The following TBC1D5 variants were observed in gnomAD, a reference collection of about 807,000 sequenced individuals.
TBC1D5 encodes the protein TBC1 domain family member 5, also known as TBC1 domain family, member 5.
A neutral mutation model predicts 100.3 loss-of-function variants in TBC1D5; 75 were observed. The ratio of observed to expected loss-of-function variants is 0.75; its 90% confidence interval spans 0.62 to 0.91. The LOEUF (loss-of-function observed/expected upper bound fraction) is 0.91. Ranked by LOEUF, TBC1D5 falls within the 40% of genes least tolerant of loss-of-function variation. TBC1D5 has a pLI of 0.00. For missense variants in TBC1D5, 910 were observed against 942.4 expected, an observed-to-expected ratio of 0.97 and a Z score of 0.45; for synonymous variants, 323 against 325.6, an observed-to-expected ratio of 0.99 and a Z score of 0.09.
At chr3:17,684,452 T>G (rs2069962861) in intron 1 of TBC1D5, among the ~76,000 whole-genome samples, 1 of 152,094 alleles carries the variant, frequency 6.6e-6, no homozygotes, top group African/African-American at 2.4e-5. Context: ...CTCTGAAGTG[T>G]GAAAACTGTA....
At chr3:17,317,451 T>C (rs555765144) in intron 13 of TBC1D5, among the ~76,000 whole-genome samples, 1 of 152,232 alleles carries the variant, frequency 6.6e-6, no homozygotes, top group Admixed American at 6.5e-5. Context: ...TGGTTGGAAA[T>C]CTAGAAGTCC....
intron 1 of TBC1D5, among the ~76,000 whole-genome samples, chr3:17,704,643 CG>C (rs1156599746): frequency 2.7e-5 from 2 of 73,456 alleles, no homozygotes; most frequent in Non-Finnish European, 5.5e-5. Context: ...GCTGGCCAGG[CG>C]GGGGGCCGAC....
intron 15 of TBC1D5, among the ~76,000 whole-genome samples, chr3:17,262,483 T>TG (rs1291412514): frequency 6.7e-6 from 1 of 149,096 alleles, no homozygotes; most frequent in Non-Finnish European, 1.5e-5. Context: ...ACAATGTTTT[T>TG]TTTTTTTTTT....
intron 2 of TBC1D5, among the ~76,000 whole-genome samples, chr3:17,509,292 A>T (rs1328407274): frequency 6.6e-6 from 1 of 151,980 alleles, no homozygotes; most frequent in Non-Finnish European, 1.5e-5. Context: ...GTTGTTCAAT[A>T]CTACAAACAG....
At chr3:17,164,150 C>T (rs1559330849) in intron 21 of TBC1D5, among the ~76,000 whole-genome samples, 1 of 152,100 alleles carries the variant, frequency 6.6e-6, no homozygotes, top group Admixed American at 6.5e-5. Flanking sequence ...GTAAACCAAA[C>T]AGAAAGAACA....
At chr3:17,261,624 G>C (rs551705412) in intron 15 of TBC1D5, among the ~76,000 whole-genome samples, 8 of 152,182 alleles carry the variant, frequency 5.3e-5, no homozygotes, top group African/African-American at 1.9e-4. Context: ...CCAGGCTCAA[G>C]TGATCCTCCC....
chr3:17,653,881 C>T (rs1435970333), intron 1 of TBC1D5, among the ~76,000 whole-genome samples: 3 of 151,996 alleles, frequency 2.0e-5, no homozygotes, highest in Non-Finnish European at 4.4e-5. Context: ...ACCTTAACTT[C>T]CTCCATGAAC....
intron 15 of TBC1D5, 132 bp from the exon 16 acceptor site, chr3:17,258,723 A>T: frequency 1.8e-6 from 1 of 569,670 alleles, no homozygotes. Flanking sequence ...AATTAGTGTG[A>T]TTGGGTTTTG....
intron 13 of TBC1D5, among the ~76,000 whole-genome samples, chr3:17,341,425 T>C (rs1354597592): frequency 1.3e-5 from 2 of 152,160 alleles, no homozygotes; most frequent in Non-Finnish European, 2.9e-5. Context: ...CTCGATCTCC[T>C]GACCTCATGA....
intron 19 of TBC1D5, among the ~76,000 whole-genome samples, chr3:17,182,836 C>T (rs1236814282): frequency 1.3e-5 from 2 of 151,506 alleles, no homozygotes; most frequent in African/African-American, 4.9e-5. Flanking sequence ...AACTTATTAC[C>T]CCCATTTTTC....
chr3:17,243,441 C>G (rs1241626034), intron 16 of TBC1D5, among the ~76,000 whole-genome samples: 1 of 151,998 alleles, frequency 6.6e-6, no homozygotes, highest in Non-Finnish European at 1.5e-5. Context: ...CTGATTTGAT[C>G]ATTGCATATT....
At chr3:17,444,174 G>A (rs956517642) in intron 3 of TBC1D5, among the ~76,000 whole-genome samples, 1 of 151,864 alleles carries the variant, frequency 6.6e-6, no homozygotes, top group Non-Finnish European at 1.5e-5. Flanking sequence ...TTTTCCAGAT[G>A]TAAAAGCAAT....
At chr3:17,657,864 A>G (rs2066243516) in intron 1 of TBC1D5, among the ~76,000 whole-genome samples, 1 of 152,228 alleles carries the variant, frequency 6.6e-6, no homozygotes, top group Non-Finnish European at 1.5e-5. Context: ...AAATTTCACT[A>G]CTGAAAATTC....
At chr3:17,210,227 G>A (rs141318851) in intron 18 of TBC1D5, among the ~76,000 whole-genome samples, 73 of 149,118 alleles carry the variant, frequency 4.9e-4, no homozygotes, top group Admixed American at 4.0e-4. Context: ...TTGCTCTGTC[G>A]CCCAGGCCTG....
At chr3:17,489,255 T>C (rs1274417339) in intron 3 of TBC1D5, among the ~76,000 whole-genome samples, 3 of 152,102 alleles carry the variant, frequency 2.0e-5, no homozygotes, top group African/African-American at 7.2e-5. Flanking sequence ...AAATACCTAA[T>C]TTTCTACTAC....
chr3:17,577,556 C>T (rs1388610049), intron 2 of TBC1D5, among the ~76,000 whole-genome samples: 3 of 151,628 alleles, frequency 2.0e-5, no homozygotes, highest in Non-Finnish European at 4.4e-5. Flanking sequence ...GAAATTTATA[C>T]ATTTAAAATG....
chr3:17,412,710 C>G (rs1232506744), intron 4 of TBC1D5, among the ~76,000 whole-genome samples: 2 of 151,972 alleles, frequency 1.3e-5, no homozygotes, highest in East Asian at 3.9e-4. Context: ...TTAGGTAAAT[C>G]ACTTAGGGTA....
chr3:17,723,655 G>T (rs1243834418), intron 1 of TBC1D5, among the ~76,000 whole-genome samples: 1 of 152,024 alleles, frequency 6.6e-6, no homozygotes, highest in East Asian at 1.9e-4. Flanking sequence ...AAAATTTTTT[G>T]GAGATTCACA....
intron 13 of TBC1D5, among the ~76,000 whole-genome samples, chr3:17,326,442 C>G (rs1420085941): frequency 6.6e-6 from 1 of 152,020 alleles, no homozygotes; most frequent in Admixed American, 6.6e-5. Flanking sequence ...TTACTTGGAA[C>G]CAGAACCTCT....
Sources: allele counts gnomAD v4.1 joint callset (sites outside exome capture counted in the v4.1 genomes callset), GRCh38; gene constraint gnomAD v4.1.1; transcripts MANE v1.5; gene names NCBI Gene and HGNC (gene_info 2026-07-23, HGNC 2026-07-21).